The following CEP192 variants were observed in gnomAD, a reference collection of about 807,000 sequenced individuals.
CEP192 encodes centrosomal protein 192, also known as centrosomal protein of 192 kDa.
Under a neutral mutation model 271.8 loss-of-function variants are expected in CEP192, and 151 were observed. The ratio of observed to expected loss-of-function variants is 0.56; its 90% confidence interval spans 0.49 to 0.64. The LOEUF is 0.64. Ranked by LOEUF, CEP192 falls within the 30% of genes least tolerant of loss-of-function variation. CEP192 has a pLI of 0.00. For synonymous variants in CEP192, 995 were observed against 1,076.5 expected (o/e 0.92, Z 1.48); for missense variants, 2,910 against 3,020.5 (o/e 0.96, Z 0.86).
intron 4 of CEP192, among the ~76,000 whole-genome samples, chr18:13,011,025 G>A (rs1342438697): frequency 6.6e-6 from 1 of 151,526 alleles, no homozygotes; most frequent in Non-Finnish European, 1.5e-5. Context: ...TCAGGAGTTC[G>A]AGACCAGCCT....
At chr18:13,022,275 G>A (rs2035036543) in intron 9 of CEP192, among the ~76,000 whole-genome samples, 1 of 152,108 alleles carries the variant, frequency 6.6e-6, no homozygotes, top group South Asian at 2.1e-4. Context: ...GCTTTATTAA[G>A]TAATGAAATT....
rs114485597 is a variant in CEP192 at position 13,021,992 on chromosome 18, T to C, written c.1050+2786T>C. 2.3e-3 allele frequency among the ~76,000 whole-genome samples: 346 copies of C among 152,328 alleles called. 1 individual carries two copies. Among genetic ancestry groups the C allele is most frequent in the African/African-American group, 7.9e-3 (329 of 41,574 alleles). ...TTCTCCATTGTTATCTTCTAGGAGT[T>C]TTATAGTTTTGCATTTTACATTTAG... On this transcript the variant is annotated intron_variant, in intron 9 of 44. Coordinates refer to ENST00000506447, the MANE Select transcript of CEP192 (RefSeq NM_032142.4).
Position 13,008,492 on chromosome 18 carries a change from A to T in CEP192, c.327A>T (p.Gln109His). 6.4e-7 allele frequency: 1 copy of T among 1,550,996 alleles called. No individual in the cohort carries two copies. Among genetic ancestry groups the T allele is most frequent in the Non-Finnish European group, 8.7e-7 (1 of 1,146,686 alleles). ...GGAAAAAGAGCTATGTGGAAAGTCAACGTTTGTCAAATGCTCTCAGCAAAC... is the reference window on the plus strand; with the variant it reads ...GGAAAAAGAGCTATGTGGAAAGTCATCGTTTGTCAAATGCTCTCAGCAAAC... ...ISRKKSYVES[Q>H]RLSNALSKQS... is the part of the protein sequence containing the mutation. The change falls in exon 4 of 45, where the codon CAA (glutamine) becomes CAT (histidine). Residue 109 changes from glutamine to histidine, a missense_variant. Transcript: ENST00000506447.
rs374911307 is a variant in CEP192 at position 13,083,512 on chromosome 18, C to T, written c.5617-3505C>T. Among the ~76,000 whole-genome samples the T allele has an allele frequency of 1.6e-4, 24 of 152,288 alleles. No individual in the cohort carries two copies. In the East Asian group the frequency reaches 2.5e-3, roughly 16 times the overall value. ...GTGATGTTTATTCTAGTTAGCCATTCGTCTAATCTTTTTTCAAAGTTTTTA... is the reference window on the plus strand; with the variant it reads ...GTGATGTTTATTCTAGTTAGCCATTTGTCTAATCTTTTTTCAAAGTTTTTA... On this transcript the variant is annotated intron_variant, in intron 30 of 44. Coordinates refer to ENST00000506447, the MANE Select transcript of CEP192 (RefSeq NM_032142.4).
At position 13,116,359 on chromosome 18, in the gene CEP192, C is replaced by T. The variant is rs74862872; in HGVS notation, c.7290-18C>T. The T allele has an allele frequency of 6.3e-3, 10,092 of 1,609,006 alleles. 474 individuals are homozygous for T. The African/African-American group carries it at 0.11, about 18-fold the overall frequency. On this transcript the variant is annotated intron_variant, in intron 42 of 44. Transcript: ENST00000506447. ...GTGGATTTCAGATTCTTAACTTTTA[C>T]ACCTATTCCCAAAGCAGGCAGCTTG...
chr18:13,114,242 G>A lies in CEP192; in HGVS notation c.7280G>A (p.Arg2427His), dbSNP rs763100986. Residue 2427 changes from arginine to histidine, a missense_variant, in exon 42 of 45, where the codon CGC (arginine) becomes CAC (histidine). Transcript: ENST00000506447. ...CAAGCTGTGTCAGAGGCTTCTGCTC[G>A]CATACCTGAGTATGTTGTTTTTGTC... is the stretch of plus-strand genomic sequence containing the variant. ...RRQAVSEASA[R>H]IPEQLDVTAR... The A allele has an allele frequency of 4.2e-5, 67 of 1,612,644 alleles. No homozygotes were observed. Among genetic ancestry groups the A allele is most frequent in the Non-Finnish European group, 5.2e-5 (61 of 1,179,638 alleles).
intron 3 of CEP192, among the ~76,000 whole-genome samples, chr18:13,003,451 G>GAAAA (rs545191456): frequency 2.1e-4 from 21 of 101,490 alleles, no homozygotes; most frequent in Admixed American, 4.6e-4. Context: ...TCTGTCTCAA[G>GAAAA]AAAAAAAAAA....
At chr18:13,101,840 T>G (rs1289503761) in intron 38 of CEP192, among the ~76,000 whole-genome samples, 1 of 152,102 alleles carries the variant, frequency 6.6e-6, no homozygotes, top group South Asian at 2.1e-4. Context: ...TGTTTTGTGC[T>G]CTCTCCCAGC....
rs571291114 is a variant in CEP192 at position 13,060,665 on chromosome 18, G to T, written c.4488+1353G>T. On this transcript the variant is annotated intron_variant, in intron 21 of 44. Transcript: ENST00000506447. ...TTCACCTGGGCACTGGCACACACCT[G>T]TAATCCCAGCACTTTGAGAGGTCAA... Among the ~76,000 whole-genome samples, 6 of 152,284 alleles carry T rather than the reference G, an allele frequency of 3.9e-5. No homozygotes were observed. In the South Asian group the frequency reaches 1.2e-3, roughly 32 times the overall value.
intron 5 of CEP192, among the ~76,000 whole-genome samples, chr18:13,013,479 T>C (rs1263860480): frequency 6.6e-6 from 1 of 152,192 alleles, no homozygotes; most frequent in Non-Finnish European, 1.5e-5. Flanking sequence ...TTAACACTTG[T>C]GATCAGAAAA....
At position 13,068,088 on chromosome 18, in the gene CEP192, A is replaced by G. The variant is rs768463240; in HGVS notation, c.4615-6A>G. ...TTACTGAACTGATTCTTGTATTTCT[A>G]AACAGAACGCTGTAGCCTGGCGCTG... On this transcript the variant is annotated splice_polypyrimidine_tract_variant and splice_region_variant and intron_variant, in intron 22 of 44. Transcript: ENST00000506447. 1.2e-6 allele frequency: 2 copies of G among 1,614,008 alleles called. No individual in the cohort carries two copies. Among genetic ancestry groups the G allele is most frequent in the African/African-American group, 1.3e-5 (1 of 74,932 alleles).
chr18:13,085,340 C>T (rs2038847095), intron 30 of CEP192, among the ~76,000 whole-genome samples: 1 of 152,026 alleles, frequency 6.6e-6, no homozygotes, highest in Non-Finnish European at 1.5e-5. Flanking sequence ...TTCTCCCATT[C>T]TATAGGTTAC....
At chr18:13,038,284 G>T in intron 12 of CEP192, 86 bp from the exon 13 acceptor site, 29 of 1,098,182 alleles carry the variant, frequency 2.6e-5, no homozygotes, top group South Asian at 1.3e-4. Context: ...AATTTTCTTG[G>T]TAAGACTTTT....
At chr18:13,028,568 G>C (rs2035436159) in intron 9 of CEP192, among the ~76,000 whole-genome samples, 1 of 152,188 alleles carries the variant, frequency 6.6e-6, no homozygotes, top group African/African-American at 2.4e-5. Context: ...CCCCCAGGCT[G>C]GAGTGCAATG....
chr18:13,113,760 G>A (rs2145075385), intron 41 of CEP192, 55 bp downstream of exon 41: 2 of 1,490,244 alleles, frequency 1.3e-6, no homozygotes, highest in Admixed American at 2.3e-5. Context: ...AAAACAGAAA[G>A]GGAAATTAAT....
rs570860015 is a variant in CEP192 at position 12,997,544 on chromosome 18, T to C, written c.-4-1877T>C. The stretch of plus-strand genomic sequence containing the variant: ...CTGCACAGCTAGAGAAACAGGGTCT[T>C]CACAATGCCTGGGAAAGGAGGAGAG... On this transcript the variant is annotated intron_variant, in intron 1 of 44. Coordinates refer to ENST00000506447, the MANE Select transcript of CEP192 (RefSeq NM_032142.4). Among the ~76,000 whole-genome samples the C allele has an allele frequency of 6.9e-3, 1,049 of 152,278 alleles. 9 individuals carry two copies. Among genetic ancestry groups the C allele is most frequent in the Non-Finnish European group, 0.011 (736 of 68,028 alleles).
chr18:13,007,139 C>A (rs1233250760), intron 3 of CEP192, among the ~76,000 whole-genome samples: 2 of 152,172 alleles, frequency 1.3e-5, no homozygotes, highest in African/African-American at 4.8e-5. Flanking sequence ...TTTCTCTCCC[C>A]CTGCACACCC....
intron 9 of CEP192, among the ~76,000 whole-genome samples, chr18:13,019,663 A>T (rs1051151135): frequency 2.6e-5 from 4 of 152,070 alleles, no homozygotes; most frequent in Non-Finnish European, 4.4e-5. Flanking sequence ...TTTTGCATGT[A>T]GGTTAATTTT....
intron 7 of CEP192, among the ~76,000 whole-genome samples, chr18:13,018,160 T>G (rs561951421): frequency 2.6e-5 from 4 of 152,298 alleles, no homozygotes; most frequent in Admixed American, 2.6e-4. Context: ...GGTGATACTG[T>G]TTTTGATAAT....
Sources: gnomAD v4.1 joint callset for allele counts (sites outside exome capture counted in the v4.1 genomes callset) on GRCh38, gnomAD v4.1.1 for gene constraint, MANE v1.5 for transcripts, NCBI Gene and HGNC (gene_info 2026-07-23, HGNC 2026-07-21) for gene names.